The following CDKAL1 variants were observed in gnomAD, a reference collection of about 807,000 sequenced individuals.
CDKAL1 encodes the protein threonylcarbamoyladenosine tRNA methylthiotransferase.
CDKAL1 carries 32 observed loss-of-function variants against 68.2 expected under a neutral mutation model. The observed-to-expected ratio is 0.47, with a 90% CI of 0.35 to 0.63. The LOEUF (loss-of-function observed/expected upper bound fraction) is 0.63, where lower values mean the gene tolerates loss of function less well. Ranked by LOEUF, CDKAL1 falls within the 30% of genes least tolerant of loss-of-function variation. The pLI, the probability that CDKAL1 is intolerant of heterozygous loss-of-function variation, is 0.00. For missense variants in CDKAL1, 606 were observed against 696.7 expected, an observed-to-expected ratio of 0.87 and a Z score of 1.47; for synonymous variants, 234 against 244.3, an observed-to-expected ratio of 0.96 and a Z score of 0.39.
intron 10 of CDKAL1, among the ~76,000 whole-genome samples, chr6:20,987,043 G>A (rs1399032762): frequency 1.3e-5 from 2 of 152,086 alleles, no homozygotes; most frequent in Admixed American, 6.6e-5. Context: ...CTTCTTTAAG[G>A]CAAACAAAGA....
At chr6:20,853,050 A>G (rs1759104061) in intron 9 of CDKAL1, among the ~76,000 whole-genome samples, 1 of 152,202 alleles carries the variant, frequency 6.6e-6, no homozygotes, top group Admixed American at 6.5e-5. Flanking sequence ...AGCCACAGAA[A>G]ATATGCAAAT....
intron 10 of CDKAL1, among the ~76,000 whole-genome samples, chr6:20,956,056 G>A (rs755074519): frequency 6.6e-6 from 1 of 152,190 alleles, no homozygotes; most frequent in African/African-American, 2.4e-5. Context: ...GAGATACATA[G>A]GGGTGAAGTT....
Position 21,201,259 on chromosome 6 carries a change from C to T in CDKAL1, c.1533C>T (p.Val511=). Residue 511 remains valine, a synonymous_variant, in exon 15 of 16, where the codon GTC becomes GTT. Coordinates refer to ENST00000274695, the MANE Select transcript of CDKAL1 (RefSeq NM_017774.3). ...SISKPLAKGE[V]SGLTKDFRNG... ...GCAAACCGCTAGCAAAGGGAGAAGT[C>T]TCGGGTTTGACAAAGGTAAGTAAAA... The T allele has an allele frequency of 1.2e-6, 2 of 1,609,154 alleles. No homozygotes were observed. The highest frequency in any genetic ancestry group is 8.5e-7 in the Non-Finnish European group (1 of 1,175,870).
intron 10 of CDKAL1, among the ~76,000 whole-genome samples, chr6:20,969,794 A>G (rs1240535706): frequency 6.6e-6 from 1 of 152,146 alleles, no homozygotes; most frequent in Non-Finnish European, 1.5e-5. Flanking sequence ...CAGAGGTGAG[A>G]GTTTAGCACG....
chr6:20,581,091 C>T (rs1765126726), intron 4 of CDKAL1, among the ~76,000 whole-genome samples: 1 of 152,118 alleles, frequency 6.6e-6, no homozygotes, highest in Non-Finnish European at 1.5e-5. Flanking sequence ...ATTTTTAAAC[C>T]TTAAAATACA....
intron 5 of CDKAL1, among the ~76,000 whole-genome samples, chr6:20,689,340 C>CTTT (rs1394808717): frequency 2.6e-5 from 4 of 152,138 alleles, no homozygotes; most frequent in Non-Finnish European, 4.4e-5. Flanking sequence ...ACATAAATTA[C>CTTT]AGTTTAGATT....
chr6:20,746,810 A>C (rs975536968), intron 6 of CDKAL1, among the ~76,000 whole-genome samples: 1 of 152,240 alleles, frequency 6.6e-6, no homozygotes, highest in Non-Finnish European at 1.5e-5. Context: ...AGAGTCAAGC[A>C]AAATAACTTA....
chr6:20,919,800 A>G (rs552657568), intron 9 of CDKAL1, among the ~76,000 whole-genome samples: 28 of 152,348 alleles, frequency 1.8e-4, no homozygotes, highest in Admixed American at 1.6e-3. Flanking sequence ...CCATCCTCCC[A>G]CAATAGAACT....
chr6:20,640,407 A>G (rs1180624822), intron 4 of CDKAL1, among the ~76,000 whole-genome samples: 1 of 152,228 alleles, frequency 6.6e-6, no homozygotes, highest in Non-Finnish European at 1.5e-5. Context: ...TGTCTCTTCT[A>G]TAATGCCACC....
intron 12 of CDKAL1, among the ~76,000 whole-genome samples, chr6:21,093,694 C>CTTTTTTTTTTTTTTTTTTTTTTTTTTT (rs547923386): frequency 1.1e-5 from 1 of 88,084 alleles, no homozygotes; most frequent in African/African-American, 4.6e-5. Flanking sequence ...GCTGCTGCTG[C>CTTTTTTTTTTTTTTTTTTTTTTTTTTT]TTTTTTTTTT....
intron 10 of CDKAL1, among the ~76,000 whole-genome samples, chr6:20,985,935 T>G (rs1014579709): frequency 2.6e-5 from 4 of 152,206 alleles, no homozygotes; most frequent in Non-Finnish European, 5.9e-5. Context: ...ATGAAGAAAT[T>G]TTTTCTTTTT....
chr6:20,759,104 A>G (rs1018281377), intron 7 of CDKAL1, among the ~76,000 whole-genome samples: 3 of 152,104 alleles, frequency 2.0e-5, no homozygotes, highest in Non-Finnish European at 4.4e-5. Flanking sequence ...ATGTAACTGC[A>G]CTCCAGCCTG....
At position 20,929,261 on chromosome 6, in the gene CDKAL1, G is replaced by A. The variant is rs561793211; in HGVS notation, c.743-26158G>A. Among the ~76,000 whole-genome samples, 81 of 152,290 alleles carry A rather than the reference G, an allele frequency of 5.3e-4. No individual in the cohort carries two copies. In the South Asian group the frequency reaches 0.015, roughly 29 times the overall value. ...CTTAAATATCTACAACCACTTGTCA[G>A]CTCAGTTTTTTTGGGGACTACTCCA... On this transcript the variant is annotated intron_variant, in intron 9 of 15. Coordinates refer to ENST00000274695, the MANE Select transcript of CDKAL1 (RefSeq NM_017774.3).
chr6:20,726,639 TG>T (rs1417029816), intron 5 of CDKAL1, among the ~76,000 whole-genome samples: 1 of 152,216 alleles, frequency 6.6e-6, no homozygotes, highest in Non-Finnish European at 1.5e-5. Context: ...TTGGTGATAC[TG>T]GTTTGTAAGC....
At chr6:20,597,737 TGTA>T (rs1365500148) in intron 4 of CDKAL1, among the ~76,000 whole-genome samples, 1 of 152,166 alleles carries the variant, frequency 6.6e-6, no homozygotes, top group Non-Finnish European at 1.5e-5. Context: ...TAATAGTAGT[TGTA>T]GTTCAGTTTT....
intron 10 of CDKAL1, among the ~76,000 whole-genome samples, chr6:20,958,384 G>T (rs1403632892): frequency 6.6e-6 from 1 of 152,100 alleles, no homozygotes; most frequent in Non-Finnish European, 1.5e-5. Flanking sequence ...CAAACACATC[G>T]TATGTAACAG....
At chr6:20,986,804 C>T (rs1997684) in intron 10 of CDKAL1, among the ~76,000 whole-genome samples, 71,700 of 151,930 alleles carry the variant, frequency 0.47, 18,374 homozygotes, top group East Asian at 0.65. Context: ...ATAAAATATG[C>T]AGCCTTGTTT....
intron 13 of CDKAL1, among the ~76,000 whole-genome samples, chr6:21,111,426 T>C (rs1774115329): frequency 6.6e-6 from 1 of 152,158 alleles, no homozygotes; most frequent in African/African-American, 2.4e-5. Context: ...TTACAAAGGG[T>C]AGTTAGTGCA....
chr6:20,998,109 A>G (rs926713631), intron 10 of CDKAL1, among the ~76,000 whole-genome samples: 1 of 152,182 alleles, frequency 6.6e-6, no homozygotes, highest in Non-Finnish European at 1.5e-5. Flanking sequence ...ACCGCAATAG[A>G]TATGTCTAAA....
Sources: gnomAD v4.1 joint callset for allele counts (sites outside exome capture counted in the v4.1 genomes callset) on GRCh38, gnomAD v4.1.1 for gene constraint, MANE v1.5 for transcripts, NCBI Gene and HGNC (gene_info 2026-07-23, HGNC 2026-07-21) for gene names.